Variants in CARMIL3 observed in about 807,000 individuals in gnomAD.
CARMIL3 encodes the protein capping protein regulator and myosin 1 linker 3, also known as capping protein, Arp2/3 and myosin-I linker protein 3.
Under a neutral mutation model 180.8 loss-of-function variants are expected in CARMIL3, and 88 were observed. The ratio of observed to expected loss-of-function variants is 0.49; its 90% CI spans 0.41 to 0.58. The LOEUF (loss-of-function observed/expected upper bound fraction) is 0.58. Among genes scored for constraint, CARMIL3 ranks in the 20% least tolerant of loss-of-function variants. The pLI, the probability that CARMIL3 is intolerant of heterozygous loss-of-function variation, is 0.00. For missense variants in CARMIL3, 1,548 were observed against 1,787.0 expected, an observed-to-expected ratio of 0.87 and a Z score of 2.41; for synonymous variants, 696 against 714.5, an observed-to-expected ratio of 0.97 and a Z score of 0.41.
intron 39 of CARMIL3, 29 bp downstream of exon 39, chr14:24,069,276 CT>C: frequency 6.2e-7 from 1 of 1,613,076 alleles, no homozygotes. Flanking sequence ...CAGGTCCCCC[CT>C]TCCCACCTAT....
chr14:24,065,119 C>T lies in CARMIL3; in HGVS notation c.3242C>T (p.Pro1081Leu), dbSNP rs992673387. 3.5e-6 allele frequency: 5 copies of T among 1,437,108 alleles called. No homozygotes were observed. Among genetic ancestry groups the T allele is most frequent in the Non-Finnish European group, 4.6e-6 (5 of 1,082,720 alleles). 89.0% of individuals were successfully genotyped at this position (1,437,108 alleles called of 1,614,324 possible). ...GSPTTGLLLPPPPPPPPTQES... is the reference protein window; with the variant it reads ...GSPTTGLLLPLPPPPPPTQES... ...CCTACCACTGGACTCCTCCTCCCTC[C>T]ACCCCCACCCCCTCCCCCGACTCAG... Residue 1081 changes from proline to leucine, a missense_variant, in exon 33 of 40, where the codon CCA becomes CTA. This residue lies in a region of CARMIL3 where 668 missense variants were observed against 687.8 expected (regional missense o/e 0.97). Coordinates refer to ENST00000342740, the MANE Select transcript of CARMIL3 (RefSeq NM_138360.4).
At position 24,065,661 on chromosome 14, in the gene CARMIL3, C is replaced by G. The variant is rs769682852; in HGVS notation, c.3436C>G (p.Pro1146Ala). 3.7e-6 allele frequency: 6 copies of G among 1,613,650 alleles called. No individual in the cohort carries two copies. Among genetic ancestry groups the G allele is most frequent in the Non-Finnish European group, 5.1e-6 (6 of 1,179,830 alleles). Residue 1146 changes from proline to alanine, a missense_variant, in exon 34 of 40, where the codon CCT (proline) becomes GCT (alanine). Around this residue, in one of 4 missense-constraint regions of CARMIL3, gnomAD observed 668 missense variants for 687.8 expected, o/e 0.97. Transcript: ENST00000342740. Reference protein sequence around the residue: ...GSEPGEGGPAPGTAQQPRVHG... With the variant: ...GSEPGEGGPAAGTAQQPRVHG... ...AGAGCCAGGGGAGGGGGGCCCAGCC[C>G]CTGGGACAGCACAGCAGCCAAGGGT...
At chr14:24,065,959 G>A (rs911282168) in intron 34 of CARMIL3, among the ~76,000 whole-genome samples, 2 of 152,072 alleles carry the variant, frequency 1.3e-5, no homozygotes, top group Non-Finnish European at 2.9e-5. Context: ...CTTCTTTACT[G>A]TAAAATGAGG....
rs375532700 is a variant in CARMIL3 at position 24,065,263 on chromosome 14, G to T, written c.3386G>T (p.Arg1129Leu). 2.0e-6 allele frequency: 3 copies of T among 1,532,852 alleles called. No homozygotes were observed. Among genetic ancestry groups the T allele is most frequent in the Admixed American group, 4.4e-5 (2 of 45,834 alleles). The allele number at this position is 1,532,852 out of a possible 1,614,324, so 95.0% of individuals were successfully genotyped here. Residue 1129 changes from arginine to leucine, a missense_variant, in exon 33 of 40, where the codon CGC becomes CTC. Around this residue, in one of 4 missense-constraint regions of CARMIL3, gnomAD observed 668 missense variants for 687.8 expected, o/e 0.97. Coordinates refer to ENST00000342740, the MANE Select transcript of CARMIL3 (RefSeq NM_138360.4). ...GFGGGRGPSFRRKMGTEGSEP... is the reference protein window; with the variant it reads ...GFGGGRGPSFLRKMGTEGSEP... ...GGTGGGGGCCGGGGACCTTCCTTCC[G>T]CCGGAAGATGGTAAGTGAGGCAGGG...
At position 24,055,537 on chromosome 14, in the gene CARMIL3, C is replaced by G. The variant is rs747500918; in HGVS notation, c.606-6C>G. 3.1e-6 allele frequency: 5 copies of G among 1,614,022 alleles called. No individual in the cohort carries two copies. The highest frequency in any genetic ancestry group is 4.2e-6 in the Non-Finnish European group (5 of 1,180,024). ...CACTTTCCTGCCCCCTTCCATATCC[C>G]CACAGAGACTTGGCCCTAATGGTAG... On this transcript the variant is annotated splice_polypyrimidine_tract_variant and splice_region_variant and intron_variant, in intron 8 of 39. Coordinates refer to ENST00000342740, the MANE Select transcript of CARMIL3 (RefSeq NM_138360.4).
At chr14:24,056,578 C>A in intron 11 of CARMIL3, 44 bp from the exon 12 acceptor site, 1 of 1,598,204 alleles carries the variant, frequency 6.3e-7, no homozygotes, top group Non-Finnish European at 8.6e-7. Flanking sequence ...CCTGCACCCA[C>A]TGCCCTGCCC....
chr14:24,052,099 G>C lies in CARMIL3; in HGVS notation c.-55G>C, dbSNP rs911641879. 2 of 1,515,382 alleles carry C rather than the reference G, an allele frequency of 1.3e-6. No homozygotes were observed. The highest frequency in any genetic ancestry group is 5.3e-5 in the East Asian group (2 of 37,550). 93.9% of individuals were successfully genotyped at this position (1,515,382 alleles called of 1,614,324 possible). On this transcript the variant is annotated 5_prime_UTR_variant, in exon 1 of 40. Transcript: ENST00000342740. ...GAAGCCGGGTCTAGCATGTGCCGCG[G>C]CTCCCCGGCGGCGGCGGCGGCTCCT...
rs373048209 is a variant in CARMIL3 at position 24,059,196 on chromosome 14, G to T, written c.1626+7G>T. ...GATCCAGGAAGAGGACTGTGTGAGT[G>T]CCTGGGCCTGGGAGGGGACCTGCAG... On this transcript the variant is annotated splice_region_variant and intron_variant, in intron 20 of 39. Transcript: ENST00000342740. This position sits in a 1 kb window ranked among gnomAD's most constrained non-coding sequence, Gnocchi z 6.3. 4 of 1,613,220 alleles carry T rather than the reference G, an allele frequency of 2.5e-6. No homozygotes were observed. In the African/African-American group the frequency reaches 4.0e-5, roughly 16 times the overall value.
Position 24,060,166 on chromosome 14 carries a change from T to A in CARMIL3, c.1972T>A (p.Cys658Ser), listed in dbSNP as rs1225058772. ...ACCCCATCATCTCCAGATCCAATGGTGCTTAGTGAGGAACAACCACTCCCA... is the reference window on the plus strand; with the variant it reads ...ACCCCATCATCTCCAGATCCAATGGAGCTTAGTGAGGAACAACCACTCCCA... The part of the protein sequence containing the change: ...TEDVWQKIQW[C>S]LVRNNHSQTC... The change falls in exon 24 of 40, where the codon TGC becomes AGC. Residue 658 changes from cysteine (C) to serine (S), a missense_variant. By Grantham distance (112) the Cys-to-Ser change is moderately radical. Coordinates refer to ENST00000342740, the MANE Select transcript of CARMIL3 (RefSeq NM_138360.4). 6.2e-7 allele frequency: 1 copy of A among 1,614,104 alleles called. No homozygotes were observed. Among genetic ancestry groups the A allele is most frequent in the East Asian group, 2.2e-5 (1 of 44,886 alleles).
intron 10 of CARMIL3, 41 bp downstream of exon 10, chr14:24,055,830 T>G (rs778165037): frequency 1.3e-6 from 2 of 1,579,214 alleles, no homozygotes; most frequent in South Asian, 2.2e-5. Context: ...GCACCCTTGA[T>G]GTAGTTTTAG....
chr14:24,069,128 T>C lies in CARMIL3; in HGVS notation c.3983-9T>C, dbSNP rs766965797. On this transcript the variant is annotated splice_polypyrimidine_tract_variant and intron_variant, in intron 38 of 39. Transcript: ENST00000342740. ...TCCTGTGTTAGGCCTGCCTTGATTGTTATTTCAGGGCCCCCTGATCCAGGC... is the reference window on the plus strand; with the variant it reads ...TCCTGTGTTAGGCCTGCCTTGATTGCTATTTCAGGGCCCCCTGATCCAGGC... The C allele has an allele frequency of 1.2e-6, 2 of 1,613,826 alleles. No individual in the cohort carries two copies. The highest frequency in any genetic ancestry group is 1.1e-5 in the South Asian group (1 of 91,076).
chr14:24,068,508 A>G (rs999824507), intron 36 of CARMIL3, 76 bp from the exon 37 acceptor site: 6 of 1,329,834 alleles, frequency 4.5e-6, no homozygotes, highest in African/African-American at 1.5e-5. Context: ...CCAGGGCTTC[A>G]GTGGAGAGAG....
intron 23 of CARMIL3, 43 bp downstream of exon 23, chr14:24,060,106 G>A (rs756071695): frequency 3.1e-6 from 5 of 1,613,256 alleles, no homozygotes; most frequent in Non-Finnish European, 4.2e-6. Flanking sequence ...GCAAGGGGCA[G>A]GGGGCAGCCC....
At position 24,068,662 on chromosome 14, in the gene CARMIL3, C is replaced by A; in HGVS notation, c.3761C>A (p.Thr1254Asn). Reference protein sequence around the residue: ...SQDGEEEKEGTLFPERTLPAR... With the variant: ...SQDGEEEKEGNLFPERTLPAR... ...GATGGGGAAGAGGAGAAGGAGGGGA[C>A]CCTCTTCCCAGAGAGGACACTTCCA... The change falls in exon 37 of 40, where the codon ACC (threonine) becomes AAC (asparagine). Residue 1254 changes from threonine (T) to asparagine (N), a missense_variant. Physicochemically the swap from Thr to Asn is moderately conservative, Grantham distance 65. This residue lies in a region of CARMIL3 where 668 missense variants were observed against 687.8 expected (regional missense o/e 0.97). Transcript: ENST00000342740. 6.2e-7 allele frequency: 1 copy of A among 1,613,910 alleles called. No homozygotes were observed. Among genetic ancestry groups the A allele is most frequent in the Non-Finnish European group, 8.5e-7 (1 of 1,179,914 alleles).
rs760322177 is a variant in CARMIL3, at chr14:24,059,456, C to T, written c.1799+14C>T. ...CTCCTCCCTCAGGTGGGGCCCACAC[C>T]GGGACCCCCTGACCTGGAGCCCCAG... On this transcript the variant is annotated intron_variant, in intron 21 of 39. Transcript: ENST00000342740. The surrounding 1 kb of genome is among the most constrained non-coding windows in gnomAD (Gnocchi z 6.3). The T allele has an allele frequency of 9.0e-6, 14 of 1,558,556 alleles. No individual in the cohort carries two copies. The highest frequency in any genetic ancestry group is 1.4e-5 in the African/African-American group (1 of 73,200).
chr14:24,069,139 C>A lies in CARMIL3; in HGVS notation c.3985C>A (p.Pro1329Thr), dbSNP rs376331854. The A allele has an allele frequency of 8.7e-6, 14 of 1,613,584 alleles. No individual in the cohort carries two copies. In the South Asian group the frequency reaches 9.9e-5, roughly 11 times the overall value. ...QDQEEPEVQG[P>T]PDPGRRTAPL... ...GCCTGCCTTGATTGTTATTTCAGGGCCCCCTGATCCAGGCCGGCGGACTGC... is the reference window on the plus strand; with the variant it reads ...GCCTGCCTTGATTGTTATTTCAGGGACCCCTGATCCAGGCCGGCGGACTGC... Residue 1329 changes from proline (P) to threonine (T), a missense_variant and splice_region_variant, in exon 39 of 40, where the codon CCC becomes ACC. Coordinates refer to ENST00000342740, the MANE Select transcript of CARMIL3 (RefSeq NM_138360.4).
rs767001156 is a variant in CARMIL3 at position 24,055,812 on chromosome 14, G to A, written c.770+23G>A. ...GACGTGAGGCCAGTCTCCTCCTTGGGCAGTAGTGCACCCTTGATGTAGTTT... is the reference window on the plus strand; with the variant it reads ...GACGTGAGGCCAGTCTCCTCCTTGGACAGTAGTGCACCCTTGATGTAGTTT... On this transcript the variant is annotated intron_variant, in intron 10 of 39. Coordinates refer to ENST00000342740, the MANE Select transcript of CARMIL3 (RefSeq NM_138360.4). 44 of 1,607,278 alleles carry A rather than the reference G, an allele frequency of 2.7e-5. No individual in the cohort carries two copies. In the South Asian group the frequency reaches 4.7e-4, roughly 17 times the overall value.
At position 24,065,633 on chromosome 14, in the gene CARMIL3, G is replaced by A. The variant is rs372959129; in HGVS notation, c.3408G>A (p.Gly1136=). The stretch of plus-strand genomic sequence containing the variant: ...AGACCTTGTTCTAGGGCACTGAGGG[G>A]TCAGAGCCAGGGGAGGGGGGCCCAG... ...PSFRRKMGTE[G]SEPGEGGPAP... is the part of the protein sequence containing the mutation. Residue 1136 remains glycine (G), a synonymous_variant, in exon 34 of 40, where the codon GGG becomes GGA. Coordinates refer to ENST00000342740, the MANE Select transcript of CARMIL3 (RefSeq NM_138360.4). 2.2e-4 allele frequency: 357 copies of A among 1,612,098 alleles called. No homozygotes were observed. The highest frequency in any genetic ancestry group is 2.8e-4 in the Non-Finnish European group (332 of 1,179,188).
rs771425820 is a variant in CARMIL3 at position 24,056,948 on chromosome 14, A to G, written c.986A>G (p.Asn329Ser). ...LQALGQTFGA[N>S]PAFASSLRYL... Reference sequence around the variant, plus strand: ...GCACTCGGCCAGACCTTCGGGGCAAACCCAGCATTTGCCAGCTCCCTTCGA... The same window carrying G: ...GCACTCGGCCAGACCTTCGGGGCAAGCCCAGCATTTGCCAGCTCCCTTCGA... Residue 329 changes from asparagine to serine, a missense_variant, in exon 13 of 40, where the codon AAC becomes AGC. Asn to Ser is a conservative substitution (Grantham distance 46). Around this residue, in one of 4 missense-constraint regions of CARMIL3, gnomAD observed 578 missense variants for 666.5 expected, o/e 0.87. Transcript: ENST00000342740. 1 of 1,614,058 alleles carries G rather than the reference A, an allele frequency of 6.2e-7. No individual in the cohort carries two copies. Among genetic ancestry groups the G allele is most frequent in the Non-Finnish European group, 8.5e-7 (1 of 1,180,012 alleles).
Sources: gnomAD v4.1 joint callset for allele counts (sites outside exome capture counted in the v4.1 genomes callset) on GRCh38, gnomAD v4.1.1 for gene constraint, gnomAD v4.1.1 regional missense constraint, Gnocchi (gnomAD v3.1) non-coding constraint, MANE v1.5 for transcripts, NCBI Gene and HGNC (gene_info 2026-07-23, HGNC 2026-07-21) for gene names.